NRXN3: variants seen among roughly 807,000 people sequenced by gnomAD.
NRXN3 encodes the protein neurexin 3.
A neutral mutation model predicts 137.6 loss-of-function variants in NRXN3; 32 were observed. The observed-to-expected ratio is 0.23, with a 90% confidence interval of 0.18 to 0.31. NRXN3 has a LOEUF of 0.31. NRXN3 is among the 10% of genes least tolerant of loss of function. The pLI is 1.00. For synonymous variants in NRXN3, 798 were observed against 784.5 expected, an observed-to-expected ratio of 1.02 and a Z score of -0.29; for missense variants, 1,574 against 2,062.5, an observed-to-expected ratio of 0.76 and a Z score of 4.59.
intron 15 of NRXN3, among the ~76,000 whole-genome samples, chr14:79,008,338 G>A (rs906707469): frequency 1.1e-4 from 17 of 152,068 alleles, no homozygotes; most frequent in African/African-American, 3.9e-4. Context: ...CTTAACAAGC[G>A]TCAACATTTT....
intron 16 of NRXN3, among the ~76,000 whole-genome samples, chr14:79,544,713 C>T (rs528383951): frequency 6.6e-6 from 1 of 152,278 alleles, no homozygotes; most frequent in Non-Finnish European, 1.5e-5. Flanking sequence ...ATCACTCTCC[C>T]AAGAATCATT....
intron 15 of NRXN3, among the ~76,000 whole-genome samples, chr14:79,109,952 C>T (rs2053177834): frequency 6.6e-6 from 1 of 151,782 alleles, no homozygotes; most frequent in Non-Finnish European, 1.5e-5. Context: ...GCACTTGTTC[C>T]CCTCAACTTA....
At chr14:79,537,247 C>T (rs1282719754) in intron 16 of NRXN3, among the ~76,000 whole-genome samples, 2 of 151,832 alleles carry the variant, frequency 1.3e-5, no homozygotes, top group African/African-American at 2.4e-5. Flanking sequence ...TTGTCGGCTG[C>T]ATAAATGTTT....
chr14:79,699,943 G>A (rs1259872854), intron 19 of NRXN3, among the ~76,000 whole-genome samples: 3 of 151,984 alleles, frequency 2.0e-5, no homozygotes, highest in Admixed American at 6.6e-5. Flanking sequence ...TGCGATGAGG[G>A]ATTTTAAAAG....
chr14:78,900,203 C>G (rs2152739005), intron 10 of NRXN3, among the ~76,000 whole-genome samples: 1 of 151,248 alleles, frequency 6.6e-6, no homozygotes, highest in Admixed American at 6.6e-5. Context: ...ACAGTGGGTT[C>G]TATTTTTTTT....
chr14:78,581,168 A>G (rs1468064248), intron 4 of NRXN3, among the ~76,000 whole-genome samples: 5 of 152,264 alleles, frequency 3.3e-5, no homozygotes, highest in Non-Finnish European at 7.3e-5. Context: ...AGTACAAGCC[A>G]TTTGATCTAA....
intron 4 of NRXN3, among the ~76,000 whole-genome samples, chr14:78,515,043 G>T (rs2096180756): frequency 6.6e-6 from 1 of 152,178 alleles, no homozygotes; most frequent in Non-Finnish European, 1.5e-5. Context: ...GAATCTCTGA[G>T]ATGAGGTCTA....
At chr14:78,443,234 G>A (rs1482438613) in intron 4 of NRXN3, among the ~76,000 whole-genome samples, 1 of 152,236 alleles carries the variant, frequency 6.6e-6, no homozygotes, top group African/African-American at 2.4e-5. Context: ...TTTGGTAGTA[G>A]TGGAGAGGCT....
chr14:79,138,837 T>C (rs1354577737), intron 15 of NRXN3, among the ~76,000 whole-genome samples: 3 of 152,238 alleles, frequency 2.0e-5, no homozygotes, highest in Non-Finnish European at 2.9e-5. Flanking sequence ...AAACATTGCC[T>C]ATTTTTTTCT....
chr14:78,951,533 C>G (rs1330923715), intron 10 of NRXN3, among the ~76,000 whole-genome samples: 3 of 152,104 alleles, frequency 2.0e-5, no homozygotes, highest in Admixed American at 2.0e-4. Context: ...CACTCCCTAC[C>G]CCCAACTGCT....
intron 4 of NRXN3, among the ~76,000 whole-genome samples, chr14:78,384,345 C>T (rs1172644022): frequency 6.6e-6 from 1 of 151,988 alleles, no homozygotes; most frequent in Non-Finnish European, 1.5e-5. Context: ...ACTCATACTC[C>T]AAGATAAGGA....
At chr14:79,665,362 C>A (rs1345026427) in intron 17 of NRXN3, among the ~76,000 whole-genome samples, 1 of 152,100 alleles carries the variant, frequency 6.6e-6, no homozygotes, top group Non-Finnish European at 1.5e-5. Context: ...CACATAAATG[C>A]CCTTATGAGG....
At chr14:79,527,598 C>T (rs550583734) in intron 16 of NRXN3, among the ~76,000 whole-genome samples, 2 of 152,018 alleles carry the variant, frequency 1.3e-5, no homozygotes, top group African/African-American at 2.4e-5. Flanking sequence ...AGTGGCCAGG[C>T]ATGGTGGCTC....
At chr14:78,856,861 G>A (rs1374285572) in intron 10 of NRXN3, among the ~76,000 whole-genome samples, 1 of 152,074 alleles carries the variant, frequency 6.6e-6, no homozygotes, top group Non-Finnish European at 1.5e-5. Flanking sequence ...GGCCTCCCGA[G>A]TAGCTGGGAT....
chr14:79,383,153 T>G (rs2094517399), intron 15 of NRXN3, among the ~76,000 whole-genome samples: 1 of 152,186 alleles, frequency 6.6e-6, no homozygotes, highest in East Asian at 1.9e-4. Context: ...CAGTTCTAAC[T>G]TGAATTTCAG....
intron 6 of NRXN3, among the ~76,000 whole-genome samples, chr14:78,661,379 A>G (rs2097840639): frequency 6.6e-6 from 1 of 152,246 alleles, no homozygotes; most frequent in South Asian, 2.1e-4. Context: ...ATTCTCATTA[A>G]TAAGATGAGC....
intron 6 of NRXN3, among the ~76,000 whole-genome samples, chr14:78,668,930 A>ATCTATCTATCTG (rs573422799): frequency 0.05 from 7,426 of 149,292 alleles, 356 homozygotes; most frequent in African/African-American, 0.13. Flanking sequence ...CTATCTATCT[A>ATCTATCTATCTG]TCTGTCTGTC....
chr14:78,347,206 T>C (rs1041256373), intron 4 of NRXN3, among the ~76,000 whole-genome samples: 3 of 152,216 alleles, frequency 2.0e-5, no homozygotes, highest in Admixed American at 6.5e-5. Context: ...CAATGTTTTA[T>C]GGGGACAATT....
rs2077062114 is a variant in NRXN3, at chr14:79,258,240, C to G, written c.3263-208981C>G. Among the ~76,000 whole-genome samples, 3 of 152,120 alleles carry G rather than the reference C, an allele frequency of 2.0e-5. No homozygotes were observed. In the South Asian group the frequency reaches 6.2e-4, roughly 31 times the overall value. ...GGAGACAGAGTCTTGCTCTGTCACC[C>G]AGGCTGGGATGCAATGGTGTGATCT... On this transcript the variant is annotated intron_variant, in intron 15 of 20. Transcript: ENST00000335750.
Sources: allele counts gnomAD v4.1 joint callset (sites outside exome capture counted in the v4.1 genomes callset), GRCh38; gene constraint gnomAD v4.1.1; transcripts MANE v1.5; gene names NCBI Gene and HGNC (gene_info 2026-07-23, HGNC 2026-07-21).